BTBD9: variants seen among roughly 807,000 people sequenced by gnomAD.
BTBD9 encodes the protein BTB domain containing 9, also known as BTB/POZ domain-containing protein 9.
In BTBD9, 49 loss-of-function variants were observed where a neutral mutation model predicts 64.3. The observed-to-expected ratio is 0.76, with a 90% CI of 0.61 to 0.97. The LOEUF (loss-of-function observed/expected upper bound fraction) is 0.97. Among genes scored for constraint, BTBD9 ranks in the 50% least tolerant of loss-of-function variants. The pLI is 0.00. For missense variants in BTBD9, 598 were observed against 762.1 expected (o/e 0.78, Z 2.53); for synonymous variants, 260 against 274.7 (o/e 0.95, Z 0.53).
At chr6:38,443,585 A>G (rs572608530) in intron 6 of BTBD9, among the ~76,000 whole-genome samples, 1 of 152,318 alleles carries the variant, frequency 6.6e-6, no homozygotes, top group African/African-American at 2.4e-5. Context: ...GCAAGCAGGC[A>G]GCTGCTCAAG....
chr6:38,291,433 T>C (rs904933488), intron 7 of BTBD9, among the ~76,000 whole-genome samples: 1 of 152,236 alleles, frequency 6.6e-6, no homozygotes, highest in Non-Finnish European at 1.5e-5. Flanking sequence ...AATCATGTCA[T>C]CTGCAAACAG....
chr6:38,264,783 A>G (rs958938099), intron 8 of BTBD9, among the ~76,000 whole-genome samples: 1 of 152,206 alleles, frequency 6.6e-6, no homozygotes, highest in African/African-American at 2.4e-5. Flanking sequence ...CCTAGAGCCC[A>G]GTAACCATGT....
chr6:38,534,166 A>G (rs1374484711), intron 6 of BTBD9, among the ~76,000 whole-genome samples: 2 of 152,074 alleles, frequency 1.3e-5, no homozygotes, highest in Non-Finnish European at 2.9e-5. Flanking sequence ...GATAAAAAAA[A>G]TCAGAGATGA....
chr6:38,295,898 A>C (rs949998135), intron 7 of BTBD9, among the ~76,000 whole-genome samples: 4 of 152,092 alleles, frequency 2.6e-5, no homozygotes, highest in Non-Finnish European at 5.9e-5. Context: ...AAAATACAAA[A>C]ATTAGCTGGG....
At position 38,238,470 on chromosome 6, in the gene BTBD9, G is replaced by GTTTTTT. The variant is rs34641170; in HGVS notation, c.1562+17933_1562+17938dup. On this transcript the variant is annotated intron_variant, in intron 9 of 10. Transcript: ENST00000481247. ...ACAGTAAGCTGTTGCGGAGACCAAG[G>GTTTTTT]TTTTTTGTTTTTTTTTTTTTGAGAC... is the stretch of plus-strand genomic sequence containing the variant. Among the ~76,000 whole-genome samples, 203 of 127,982 alleles carry GTTTTTT rather than the reference G, an allele frequency of 1.6e-3. 17 individuals are homozygous for GTTTTTT. Among genetic ancestry groups the GTTTTTT allele is most frequent in the African/African-American group, 2.8e-3 (92 of 32,418 alleles). 84.0% of individuals were successfully genotyped at this position (127,982 alleles called of 152,430 possible). A position where few individuals can be genotyped will look rare whatever the true frequency, so the allele number is the denominator to read the frequency against.
intron 7 of BTBD9, among the ~76,000 whole-genome samples, chr6:38,298,159 C>T (rs1306096185): frequency 2.0e-5 from 3 of 151,998 alleles, no homozygotes; most frequent in African/African-American, 7.2e-5. Context: ...CTGGCCTCTG[C>T]TCCAGTTTTC....
At chr6:38,220,171 C>G (rs1763152635) in intron 9 of BTBD9, among the ~76,000 whole-genome samples, 1 of 152,168 alleles carries the variant, frequency 6.6e-6, no homozygotes, top group African/African-American at 2.4e-5. Context: ...GGGGACATGC[C>G]CTAGATGGTG....
rs1023729617 is a variant in BTBD9 at position 38,543,242 on chromosome 6, C to A, written c.1154+34358G>T. ...GGTCTCCTCTGACCACAGAGGTATT[C>A]CCCTACTTCCCCACCCAAGCCTATA... is the stretch of plus-strand genomic sequence containing the variant. On this transcript the variant is annotated intron_variant, in intron 6 of 10. Coordinates refer to ENST00000481247, the MANE Select transcript of BTBD9 (RefSeq NM_001099272.2). 2.0e-5 allele frequency among the ~76,000 whole-genome samples: 3 copies of A among 152,158 alleles called. No individual in the cohort carries two copies. In the South Asian group the frequency reaches 6.2e-4, roughly 32 times the overall value.
chr6:38,308,879 C>A (rs896437340), intron 7 of BTBD9, among the ~76,000 whole-genome samples: 33 of 151,820 alleles, frequency 2.2e-4, no homozygotes, highest in Non-Finnish European at 5.9e-5. Context: ...TGCCTCAGCC[C>A]CCCAAAGTGC....
chr6:38,394,574 A>G (rs916807769), intron 6 of BTBD9, among the ~76,000 whole-genome samples: 1 of 152,106 alleles, frequency 6.6e-6, no homozygotes, highest in Non-Finnish European at 1.5e-5. Context: ...TCTGTTATTC[A>G]TATCTTTATG....
chr6:38,424,920 C>G (rs1273047583), intron 6 of BTBD9, among the ~76,000 whole-genome samples: 3 of 151,952 alleles, frequency 2.0e-5, no homozygotes, highest in African/African-American at 7.3e-5. Context: ...CTTACTGCAA[C>G]CTCCGCCACC....
intron 6 of BTBD9, among the ~76,000 whole-genome samples, chr6:38,424,357 T>C (rs899077393): frequency 1.3e-5 from 2 of 151,846 alleles, no homozygotes; most frequent in African/African-American, 4.9e-5. Flanking sequence ...TTCTCTGTGA[T>C]ACAGAAAAAA....
At chr6:38,328,774 C>T (rs1032318312) in intron 7 of BTBD9, among the ~76,000 whole-genome samples, 8 of 151,808 alleles carry the variant, frequency 5.3e-5, no homozygotes, top group Non-Finnish European at 7.4e-5. Context: ...GGTGAAACCC[C>T]GTCTCCATTA....
At chr6:38,200,872 C>G (rs1049258631) in intron 9 of BTBD9, among the ~76,000 whole-genome samples, 7 of 151,994 alleles carry the variant, frequency 4.6e-5, no homozygotes, top group Non-Finnish European at 5.9e-5. Context: ...TCAAACTATT[C>G]TAAAAAATTA....
chr6:38,515,346 C>T lies in BTBD9; in HGVS notation c.1154+62254G>A, dbSNP rs563327285. ...CCTCTTACATCATGACAACTTCATA[C>T]AAACAGAGCCTGGGGCAGGGCAATG... On this transcript the variant is annotated intron_variant, in intron 6 of 10. Transcript: ENST00000481247. Among the ~76,000 whole-genome samples, 15 of 152,296 alleles carry T rather than the reference C, an allele frequency of 9.8e-5. No homozygotes were observed. The South Asian group carries it at 3.1e-3, about 32-fold the overall frequency.
At chr6:38,446,863 C>T (rs563551031) in intron 6 of BTBD9, among the ~76,000 whole-genome samples, 1 of 152,294 alleles carries the variant, frequency 6.6e-6, no homozygotes, top group African/African-American at 2.4e-5. Context: ...ATCAGTCTTT[C>T]TAGCACGTAC....
At chr6:38,278,301 A>G (rs916133773) in intron 8 of BTBD9, among the ~76,000 whole-genome samples, 1 of 152,242 alleles carries the variant, frequency 6.6e-6, no homozygotes, top group African/African-American at 2.4e-5. Flanking sequence ...CAAACAAACA[A>G]AACAAAAAAT....
At chr6:38,289,759 T>A (rs1032333412) in intron 7 of BTBD9, among the ~76,000 whole-genome samples, 1 of 152,196 alleles carries the variant, frequency 6.6e-6, no homozygotes, top group Non-Finnish European at 1.5e-5. Flanking sequence ...TCTCTCTATA[T>A]AACTCAAGTC....
intron 8 of BTBD9, among the ~76,000 whole-genome samples, chr6:38,260,361 A>C (rs1202865356): frequency 6.6e-6 from 1 of 152,190 alleles, no homozygotes; most frequent in Non-Finnish European, 1.5e-5. Flanking sequence ...ATTTTTAATT[A>C]TTTATGGAGA....
Sources: gnomAD v4.1 joint callset for allele counts (sites outside exome capture counted in the v4.1 genomes callset) on GRCh38, gnomAD v4.1.1 for gene constraint, MANE v1.5 for transcripts, NCBI Gene and HGNC (gene_info 2026-07-23, HGNC 2026-07-21) for gene names.